Variants in SHISA9 observed in about 807,000 individuals in gnomAD.
SHISA9 encodes protein shisa-9.
In SHISA9, 13 loss-of-function variants were observed where a neutral mutation model predicts 38.0. That is an observed-to-expected ratio of 0.34 (90% CI 0.22 to 0.54). The LOEUF is 0.54. SHISA9 is among the 20% of genes least tolerant of loss of function. The probability of loss-of-function intolerance (pLI) is 0.91; values close to 1 mark genes in which losing one functional copy is unlikely to be tolerated. For missense variants in SHISA9, 538 were observed against 575.8 expected, an observed-to-expected ratio of 0.93 and a Z score of 0.67; for synonymous variants, 275 against 242.0, an observed-to-expected ratio of 1.14 and a Z score of -1.27.
chr16:13,510,519 A>G, the SHISA9 span, among the ~76,000 whole-genome samples: 2 of 152,174 alleles, frequency 1.3e-5, no homozygotes, highest in East Asian at 3.9e-4. Flanking sequence ...CATCTAGTAA[A>G]ATTGTAACTG....
the SHISA9 span, among the ~76,000 whole-genome samples, chr16:13,481,699 T>C: frequency 2.0e-4 from 30 of 152,196 alleles, no homozygotes; most frequent in Admixed American, 1.3e-4. Flanking sequence ...AATGAATGAA[T>C]GAATGAGTGA....
At chr16:13,289,870 T>C in the SHISA9 span, among the ~76,000 whole-genome samples, 1 of 152,230 alleles carries the variant, frequency 6.6e-6, no homozygotes, top group Non-Finnish European at 1.5e-5. Context: ...CTAGTTTGAA[T>C]TGTGTTTATA....
chr16:13,326,937 A>C, the SHISA9 span, among the ~76,000 whole-genome samples: 1 of 152,120 alleles, frequency 6.6e-6, no homozygotes, highest in Non-Finnish European at 1.5e-5. Flanking sequence ...ATCATTTCAG[A>C]ATGTCTTTGC....
intron 2 of SHISA9, among the ~76,000 whole-genome samples, chr16:13,166,957 G>A (rs1449254438): frequency 6.6e-6 from 1 of 151,542 alleles, no homozygotes; most frequent in East Asian, 1.9e-4. Flanking sequence ...TGCACATCCT[G>A]CACATGTACC....
At chr16:13,302,915 C>T in the SHISA9 span, among the ~76,000 whole-genome samples, 4 of 152,122 alleles carry the variant, frequency 2.6e-5, no homozygotes, top group African/African-American at 9.7e-5. Context: ...TCCCCCTTTA[C>T]ACGCTCTCTC....
intron 2 of SHISA9, among the ~76,000 whole-genome samples, chr16:12,946,146 G>A (rs935876793): frequency 6.6e-6 from 1 of 152,194 alleles, no homozygotes; most frequent in Admixed American, 6.6e-5. Flanking sequence ...AGACCAGATG[G>A]TTGTAGATGT....
chr16:13,509,666 C>G, the SHISA9 span, among the ~76,000 whole-genome samples: 1 of 152,198 alleles, frequency 6.6e-6, no homozygotes, highest in South Asian at 2.1e-4. Context: ...TATCAGGTCT[C>G]TCTGCATGGA....
chr16:13,542,796 A>G, the SHISA9 span, among the ~76,000 whole-genome samples: 19,427 of 152,212 alleles, frequency 0.13, 1,383 homozygotes, highest in African/African-American at 0.18. Flanking sequence ...ATGAAAATTC[A>G]AGAGGTATTC....
the SHISA9 span, among the ~76,000 whole-genome samples, chr16:13,446,447 T>C: frequency 6.6e-6 from 1 of 152,060 alleles, no homozygotes; most frequent in Non-Finnish European, 1.5e-5. Context: ...AGATAAAAAA[T>C]TGAATTTGGT....
chr16:13,357,739 T>C, the SHISA9 span, among the ~76,000 whole-genome samples: 1 of 150,172 alleles, frequency 6.7e-6, no homozygotes, highest in African/African-American at 2.5e-5. Context: ...AAAATTACAG[T>C]CAAAGGGGGT....
At chr16:13,152,431 C>G (rs1188823675) in intron 2 of SHISA9, among the ~76,000 whole-genome samples, 1 of 152,122 alleles carries the variant, frequency 6.6e-6, no homozygotes, top group Non-Finnish European at 1.5e-5. Context: ...AATACATGAT[C>G]TATTGGAAGA....
chr16:13,394,168 C>A, the SHISA9 span, among the ~76,000 whole-genome samples: 1 of 152,166 alleles, frequency 6.6e-6, no homozygotes, highest in African/African-American at 2.4e-5. Flanking sequence ...GAAAAACACA[C>A]CCCACGTAGA....
At chr16:12,910,591 A>G (rs573233033) in intron 1 of SHISA9, 1 of 985,468 alleles carries the variant, frequency 1.0e-6, no homozygotes, top group South Asian at 4.7e-5. Context: ...ATATTCAGTC[A>G]TTTCAACCTC....
chr16:13,382,643 G>A, the SHISA9 span, among the ~76,000 whole-genome samples: 1 of 151,964 alleles, frequency 6.6e-6, no homozygotes, highest in South Asian at 2.1e-4. Flanking sequence ...TGGATCACTT[G>A]AGGTCAGGAG....
chr16:13,081,441 A>G (rs929170937), intron 2 of SHISA9, among the ~76,000 whole-genome samples: 1 of 152,182 alleles, frequency 6.6e-6, no homozygotes, highest in Non-Finnish European at 1.5e-5. Flanking sequence ...GCCAAGGGAA[A>G]CTGGGCTGAA....
intron 2 of SHISA9, among the ~76,000 whole-genome samples, chr16:13,069,111 T>C (rs547567020): frequency 9.9e-5 from 15 of 152,228 alleles, no homozygotes; most frequent in Non-Finnish European, 2.1e-4. Flanking sequence ...TATACATGTG[T>C]ACATGCAATG....
At chr16:13,104,005 T>G (rs536665836) in intron 2 of SHISA9, among the ~76,000 whole-genome samples, 23 of 152,164 alleles carry the variant, frequency 1.5e-4, no homozygotes, top group Non-Finnish European at 2.5e-4. Context: ...AGCCATTAGT[T>G]TCTCCATCTG....
intron 2 of SHISA9, among the ~76,000 whole-genome samples, chr16:13,123,263 G>C (rs778694191): frequency 2.0e-5 from 3 of 152,214 alleles, no homozygotes; most frequent in Non-Finnish European, 4.4e-5. Context: ...CTGCTATCTT[G>C]GGAAGCGGGG....
the SHISA9 span, among the ~76,000 whole-genome samples, chr16:13,336,672 C>T: frequency 1.3e-5 from 2 of 152,142 alleles, no homozygotes; most frequent in South Asian, 4.1e-4. Context: ...AGCTGTGGAC[C>T]ACATGTCAGG....
Sources: allele counts gnomAD v4.1 joint callset (sites outside exome capture counted in the v4.1 genomes callset), GRCh38; gene constraint gnomAD v4.1.1; transcripts MANE v1.5; gene names NCBI Gene and HGNC (gene_info 2026-07-23, HGNC 2026-07-21).